Variants in GPR158 observed in about 807,000 individuals in gnomAD.
GPR158 encodes metabotropic glycine receptor.
GPR158 carries 30 observed loss-of-function variants against 78.2 expected under a neutral mutation model. That is an observed-to-expected ratio of 0.38 (90% CI 0.29 to 0.52). GPR158 has a LOEUF of 0.52. Among genes scored for constraint, GPR158 ranks in the 20% least tolerant of loss-of-function variants. The pLI, the probability that GPR158 is intolerant of heterozygous loss-of-function variation, is 0.83. For synonymous variants in GPR158, 581 were observed against 591.1 expected, an observed-to-expected ratio of 0.98 and a Z score of 0.25; for missense variants, 1,463 against 1,523.5, an observed-to-expected ratio of 0.96 and a Z score of 0.66.
intron 1 of GPR158, among the ~76,000 whole-genome samples, chr10:25,219,303 G>C (rs1436436689): frequency 6.6e-6 from 1 of 152,052 alleles, no homozygotes; most frequent in Non-Finnish European, 1.5e-5. Context: ...CCTTTCTGTC[G>C]TGCATAGTGT....
intron 2 of GPR158, among the ~76,000 whole-genome samples, chr10:25,294,902 C>T (rs1394332469): frequency 6.6e-6 from 1 of 152,186 alleles, no homozygotes; most frequent in Non-Finnish European, 1.5e-5. Flanking sequence ...GATAAATCAT[C>T]TAGGTGTATG....
In GPR158 at chr10:25,412,317, A is replaced by G. The variant is rs976841694; in HGVS notation, c.1179A>G (p.Leu393=). The change falls in exon 4 of 11, where the codon CTA becomes CTG. Residue 393 remains leucine (L), a synonymous_variant. Transcript: ENST00000376351. ...KDVSEEAYVC[L]PCREGCPFCA... is the part of the protein sequence containing the mutation. ...TGTCAGAAGAAGCCTATGTCTGCCT[A>G]CCTTGCAGGGAGGGCTGCCCCTTCT... The G allele has an allele frequency of 4.3e-6, 7 of 1,613,842 alleles. 1 individual carries two copies. The highest frequency in any genetic ancestry group is 3.3e-5 in the South Asian group (3 of 91,084).
chr10:25,346,471 T>TA (rs974866308), intron 2 of GPR158, among the ~76,000 whole-genome samples: 6 of 151,898 alleles, frequency 4.0e-5, no homozygotes, highest in Admixed American at 6.6e-5. Context: ...AAAATATTTT[T>TA]AAAAAGATGG....
intron 2 of GPR158, among the ~76,000 whole-genome samples, chr10:25,264,094 C>T (rs1225714020): frequency 6.6e-6 from 1 of 152,066 alleles, no homozygotes; most frequent in East Asian, 1.9e-4. Flanking sequence ...TAACCCAAAC[C>T]AGCATTGTGG....
chr10:25,494,196 G>C (rs1326130315), intron 5 of GPR158, among the ~76,000 whole-genome samples: 1 of 152,138 alleles, frequency 6.6e-6, no homozygotes. Context: ...AGGTTGGGGG[G>C]AAAGAATCTT....
At chr10:25,263,198 G>C (rs1853992533) in intron 2 of GPR158, among the ~76,000 whole-genome samples, 1 of 152,274 alleles carries the variant, frequency 6.6e-6, no homozygotes, top group African/African-American at 2.4e-5. Context: ...TCCACTTTCA[G>C]TTAATTTTTA....
intron 2 of GPR158, among the ~76,000 whole-genome samples, chr10:25,310,957 A>G (rs1480623388): frequency 3.9e-5 from 6 of 151,900 alleles, no homozygotes; most frequent in Non-Finnish European, 8.8e-5. Context: ...ACCATTTATT[A>G]TTATGTCTCT....
intron 4 of GPR158, among the ~76,000 whole-genome samples, chr10:25,429,126 T>C (rs1313081335): frequency 6.6e-6 from 1 of 152,068 alleles, no homozygotes; most frequent in Non-Finnish European, 1.5e-5. Flanking sequence ...TTGAATTTAC[T>C]GGGAGTTATC....
chr10:25,361,078 A>G (rs1855632381), intron 2 of GPR158, among the ~76,000 whole-genome samples: 1 of 151,022 alleles, frequency 6.6e-6, no homozygotes, highest in African/African-American at 2.4e-5. Context: ...TTCAACAACA[A>G]CTCTCTTTTT....
chr10:25,557,225 CTATT>C (rs1836797834), intron 6 of GPR158, among the ~76,000 whole-genome samples: 1 of 152,128 alleles, frequency 6.6e-6, no homozygotes, highest in Non-Finnish European at 1.5e-5. Context: ...CAAACCCTAC[CTATT>C]TGTCATTTTC....
chr10:25,573,664 C>A (rs1196131086), intron 7 of GPR158, among the ~76,000 whole-genome samples: 1 of 152,180 alleles, frequency 6.6e-6, no homozygotes, highest in Non-Finnish European at 1.5e-5. Context: ...CTCAGTAAGC[C>A]ACAGGACAAA....
intron 3 of GPR158, among the ~76,000 whole-genome samples, chr10:25,401,230 T>A (rs936285245): frequency 5.3e-5 from 8 of 152,146 alleles, no homozygotes; most frequent in African/African-American, 1.9e-4. Flanking sequence ...CACAGTCTCA[T>A]AAATAGCATC....
In GPR158 at chr10:25,589,147, C is replaced by A; in HGVS notation, c.1892+2C>A. On this transcript the variant is annotated splice_donor_variant, in intron 8 of 10. Coordinates refer to ENST00000376351, the MANE Select transcript of GPR158 (RefSeq NM_020752.3). LOFTEE classifies it high-confidence loss of function. ...CTCTGCTATATTCCATACAATTAGG[C>A]AAGTGATCTGTAGAGCTAGTAAATA... is the stretch of plus-strand genomic sequence containing the variant. The A allele has an allele frequency of 6.3e-7, 1 of 1,593,162 alleles. No homozygotes were observed. The highest frequency in any genetic ancestry group is 8.6e-7 in the Non-Finnish European group (1 of 1,165,436).
At chr10:25,446,489 A>G (rs1835139907) in intron 4 of GPR158, among the ~76,000 whole-genome samples, 1 of 151,250 alleles carries the variant, frequency 6.6e-6, no homozygotes, top group African/African-American at 2.5e-5. Flanking sequence ...TAACGAATCC[A>G]TTCTATTTTA....
rs965296030 is a variant in GPR158, at chr10:25,351,845, C to T, written c.1009-44066C>T. ...GTTTGCTGCACAGATCATCCCATCA[C>T]CTAGGTATCAAGCCCATCATCCATT... On this transcript the variant is annotated intron_variant, in intron 2 of 10. Transcript: ENST00000376351. Among the ~76,000 whole-genome samples the T allele has an allele frequency of 2.6e-5, 4 of 151,718 alleles. No individual in the cohort carries two copies. In the East Asian group the frequency reaches 7.9e-4, roughly 30 times the overall value.
chr10:25,357,958 C>T (rs185570183), intron 2 of GPR158, among the ~76,000 whole-genome samples: 3 of 152,194 alleles, frequency 2.0e-5, no homozygotes, highest in East Asian at 3.9e-4. Flanking sequence ...CCCTGCAAAA[C>T]CATAGGGGTG....
chr10:25,481,389 A>T (rs1428131054), intron 5 of GPR158, among the ~76,000 whole-genome samples: 9 of 152,176 alleles, frequency 5.9e-5, no homozygotes. Context: ...TGTCCCAAGA[A>T]GATGATCATC....
At chr10:25,370,929 T>C (rs1469429826) in intron 2 of GPR158, among the ~76,000 whole-genome samples, 3 of 150,926 alleles carry the variant, frequency 2.0e-5, no homozygotes, top group African/African-American at 7.3e-5. Flanking sequence ...GTAATGGTCT[T>C]CTTTGTCTCT....
intron 2 of GPR158, among the ~76,000 whole-genome samples, chr10:25,318,298 C>T (rs936343720): frequency 6.6e-6 from 1 of 151,884 alleles, no homozygotes. Context: ...GCCTCTCTCT[C>T]ACTCATCTTT....
Sources: allele counts gnomAD v4.1 joint callset (sites outside exome capture counted in the v4.1 genomes callset), GRCh38; gene constraint gnomAD v4.1.1; transcripts MANE v1.5; gene names NCBI Gene and HGNC (gene_info 2026-07-23, HGNC 2026-07-21).